Variants in SZT2 observed in about 807,000 individuals in gnomAD.
The protein encoded by SZT2 is KICSTOR complex protein SZT2.
Under a neutral mutation model 404.2 loss-of-function variants are expected in SZT2, and 216 were observed. That is an observed-to-expected ratio of 0.53 (90% confidence interval 0.48 to 0.60). SZT2 has a LOEUF of 0.60. Among genes scored for constraint, SZT2 ranks in the 20% least tolerant of loss-of-function variants. The probability of loss-of-function intolerance (pLI) is 0.00; values close to 1 mark genes in which losing one functional copy is unlikely to be tolerated. For missense variants in SZT2, 3,857 were observed against 4,459.2 expected (o/e 0.86, Z 3.85); for synonymous variants, 1,693 against 1,749.9 (o/e 0.97, Z 0.81).
Position 43,452,444 on chromosome 1 carries a change from G to A in SZT2, c.*1964G>A, listed in dbSNP as rs1466112280. On this transcript the variant is annotated 3_prime_UTR_variant, in exon 72 of 72. Coordinates refer to ENST00000634258, the MANE Select transcript of SZT2 (RefSeq NM_001365999.1). The stretch of plus-strand genomic sequence containing the variant: ...CTCCAGTCCATGGCACCTGGGTCAC[G>A]ATGCCCAGGTATCCCAGCACTTTCA... 7 of 764,510 alleles carry A rather than the reference G, an allele frequency of 9.2e-6. No individual in the cohort carries two copies. The highest frequency in any genetic ancestry group is 2.7e-5 in the East Asian group (1 of 37,340). The allele number at this position is 764,510 out of a possible 1,614,324, so 47.4% of individuals were successfully genotyped here.
intron 4 of SZT2, chr1:43,406,219 CTGGG>C (rs1433541150): frequency 7.0e-6 from 2 of 285,592 alleles, no homozygotes; most frequent in Non-Finnish European, 1.4e-5. Flanking sequence ...TTTCAAGTAG[CTGGG>C]ATTACAGGTG....
chr1:43,391,953 G>A (rs1448732799), intron 1 of SZT2, among the ~76,000 whole-genome samples: 1 of 68,862 alleles, frequency 1.5e-5, no homozygotes, highest in African/African-American at 6.0e-5. Flanking sequence ...GCGTGGTGGC[G>A]GGCGCCTGTA....
chr1:43,451,154 A>G lies in SZT2; in HGVS notation c.*674A>G. 7.9e-7 allele frequency: 1 copy of G among 1,260,400 alleles called. No individual in the cohort carries two copies. Among genetic ancestry groups the G allele is most frequent in the Non-Finnish European group, 1.2e-6 (1 of 858,544 alleles). 78.1% of individuals were successfully genotyped at this position (1,260,400 alleles called of 1,614,324 possible). On this transcript the variant is annotated 3_prime_UTR_variant, in exon 72 of 72. Transcript: ENST00000634258. The stretch of plus-strand genomic sequence containing the variant: ...CCACCCCATTACAGAGACATATGAC[A>G]ATGTTCAGCAGGTCATCTTTAATGC...
In SZT2 at chr1:43,440,659, C is replaced by T. The variant is rs1376587257; in HGVS notation, c.7344+73C>T. 7 of 1,466,958 alleles carry T rather than the reference C, an allele frequency of 4.8e-6. No individual in the cohort carries two copies. In the Admixed American group the frequency reaches 1.0e-4, roughly 21 times the overall value. The allele number at this position is 1,466,958 out of a possible 1,614,324, so 90.9% of individuals were successfully genotyped here. ...CTAGCTCCTCCCACACTCCCTCCTG[C>T]TTCCCAGTCCCCCATAGGCCTTGCC... On this transcript the variant is annotated intron_variant, in intron 52 of 71. Transcript: ENST00000634258.
Position 43,424,537 on chromosome 1 carries a change from C to A in SZT2, c.2471+105C>A. ...GCACACACTTCTCCTCTCTAATTCC[C>A]AGTCTGAAGTATAGAGCAGCATCTG... On this transcript the variant is annotated intron_variant, in intron 16 of 71. Transcript: ENST00000634258. This position sits in a 1 kb window ranked among gnomAD's most constrained non-coding sequence, Gnocchi z 4.1. 8.2e-7 allele frequency: 1 copy of A among 1,212,466 alleles called. No homozygotes were observed. Among genetic ancestry groups the A allele is most frequent in the Non-Finnish European group, 1.2e-6 (1 of 858,376 alleles). The allele number at this position is 1,212,466 out of a possible 1,614,324, so 75.1% of individuals were successfully genotyped here.
intron 4 of SZT2, chr1:43,406,612 A>G (rs1650346367): frequency 6.6e-6 from 1 of 152,440 alleles, no homozygotes; most frequent in Admixed American, 6.5e-5. Context: ...AGGAGACTGT[A>G]GACATAAGTG....
Position 43,415,108 on chromosome 1 carries a change from C to G in SZT2, c.525C>G (p.Asp175Glu). Residue 175 changes from aspartate to glutamate, a missense_variant, in exon 5 of 72, where the codon GAC becomes GAG. Around this residue, in one of 7 missense-constraint regions of SZT2, gnomAD observed 536 missense variants for 637.4 expected, o/e 0.84. Coordinates refer to ENST00000634258, the MANE Select transcript of SZT2 (RefSeq NM_001365999.1). ...HQVLVQGCLL[D>E]PSQREVFLQQ... ...TGCTGGTACAGGGCTGCCTCTTGGACCCTTCCCAGCGGGAGGTGTTCCTGC... is the reference window on the plus strand; with the variant it reads ...TGCTGGTACAGGGCTGCCTCTTGGAGCCTTCCCAGCGGGAGGTGTTCCTGC... 6.3e-7 allele frequency: 1 copy of G among 1,598,068 alleles called. No individual in the cohort carries two copies. Among genetic ancestry groups the G allele is most frequent in the Non-Finnish European group, 8.5e-7 (1 of 1,179,580 alleles).
At chr1:43,423,017 G>A (rs999936542) in intron 14 of SZT2, 82 bp from the exon 15 acceptor site, 8 of 1,506,254 alleles carry the variant, frequency 5.3e-6, no homozygotes, top group Admixed American at 3.9e-5. Flanking sequence ...GAAGAGGGCT[G>A]TGTCTCACTT....
In SZT2 at chr1:43,442,552, A is replaced by G. The variant is rs1211441734; in HGVS notation, c.8085A>G (p.Leu2695=). Residue 2695 remains leucine, a synonymous_variant, in exon 58 of 72, where the codon CTA becomes CTG. Transcript: ENST00000634258. This position sits in a 1 kb window ranked among gnomAD's most constrained non-coding sequence, Gnocchi z 4.5. ...CACGAGCCCATCTCATCTTCTGCCT[A>G]CTCAGCCAGAAGCTTGGCCTCTTCC... The part of the protein sequence containing the change: ...QNARAHLIFC[L]LSQKLGLFHH... 1.9e-6 allele frequency: 3 copies of G among 1,613,912 alleles called. No homozygotes were observed. The highest frequency in any genetic ancestry group is 2.5e-6 in the Non-Finnish European group (3 of 1,179,926).
At chr1:43,392,418 T>C (rs1339996229) in intron 1 of SZT2, among the ~76,000 whole-genome samples, 1 of 150,760 alleles carries the variant, frequency 6.6e-6, no homozygotes, top group Admixed American at 6.6e-5. Flanking sequence ...GTTAAGCTTT[T>C]TTTTTTTTTT....
At position 43,403,564 on chromosome 1, in the gene SZT2, G is replaced by C. The variant is rs710249; in HGVS notation, c.154-37G>C. 0.39 allele frequency: 626,843 copies of C among 1,598,914 alleles called. 128,749 individuals are homozygous for C. The highest frequency in any genetic ancestry group is 0.43 in the Non-Finnish European group (500,548 of 1,168,340). ...GGTCCTGGGAAGAAAGGGATACTTC[G>C]CTGATCCTTTCCTTTTCTTTCCATC... On this transcript the variant is annotated intron_variant, in intron 2 of 71. Coordinates refer to ENST00000634258, the MANE Select transcript of SZT2 (RefSeq NM_001365999.1).
At chr1:43,422,662 G>GCCCCCCCA in intron 13 of SZT2, 30 bp downstream of exon 13, 3 of 1,231,816 alleles carry the variant, frequency 2.4e-6, no homozygotes, top group Non-Finnish European at 2.0e-6. Flanking sequence ...TTCACCCCCC[G>GCCCCCCCA]CCCCCCCACC....
chr1:43,431,919 C>T lies in SZT2; in HGVS notation c.5274+18C>T. ...TCAAGGAGGTAAGTTGCCCTCCAAA[C>T]ACTGCAGGGTCACCTTGGGGCCCGT... On this transcript the variant is annotated intron_variant, in intron 36 of 71. Transcript: ENST00000634258. 10 of 1,613,612 alleles carry T rather than the reference C, an allele frequency of 6.2e-6. No individual in the cohort carries two copies. Among genetic ancestry groups the T allele is most frequent in the Non-Finnish European group, 8.5e-6 (10 of 1,179,806 alleles).
Position 43,427,586 on chromosome 1 carries a change from T to C in SZT2, c.3655T>C (p.Tyr1219His). Residue 1219 changes from tyrosine to histidine, a missense_variant, in exon 26 of 72, where the codon TAC becomes CAC. Tyr to His is a moderately conservative substitution (Grantham distance 83). Coordinates refer to ENST00000634258, the MANE Select transcript of SZT2 (RefSeq NM_001365999.1). ...ACCATTCCGTCGAGACTTACAGGCT[T>C]ACGCTGGGCGTCAGGCTTCCCAGAC... is the stretch of plus-strand genomic sequence containing the variant. ...SPPFRRDLQA[Y>H]AGRQASQTES... is the part of the protein sequence containing the mutation. 1 of 1,614,260 alleles carries C rather than the reference T, an allele frequency of 6.2e-7. No individual in the cohort carries two copies. The highest frequency in any genetic ancestry group is 8.5e-7 in the Non-Finnish European group (1 of 1,180,042).
Position 43,416,633 on chromosome 1 carries a change from T to A in SZT2, c.871T>A (p.Phe291Ile). The A allele has an allele frequency of 6.3e-7, 1 of 1,597,294 alleles. No individual in the cohort carries two copies. The highest frequency in any genetic ancestry group is 8.5e-7 in the Non-Finnish European group (1 of 1,179,364). ...TCGCAGTGGCACTGTGGCTTGTTCC[T>A]TTGTCCAGGTGAGGACTTTTTAGGA... ...QLRSGTVACS[F>I]VQVGGVYSYD... The change falls in exon 7 of 72, where the codon TTT becomes ATT. Residue 291 changes from phenylalanine to isoleucine, a missense_variant. Coordinates refer to ENST00000634258, the MANE Select transcript of SZT2 (RefSeq NM_001365999.1).
intron 1 of SZT2, among the ~76,000 whole-genome samples, chr1:43,397,648 C>CAGGG (rs1033407602): frequency 6.6e-6 from 1 of 151,702 alleles, no homozygotes; most frequent in African/African-American, 2.4e-5. Context: ...CTGCCTCGGT[C>CAGGG]CCCTAAGTAG....
intron 1 of SZT2, among the ~76,000 whole-genome samples, chr1:43,399,466 A>ATTTTTT (rs58653132): frequency 8.2e-6 from 1 of 121,996 alleles, no homozygotes; most frequent in Non-Finnish European, 1.7e-5. Context: ...GCCAGAGGGA[A>ATTTTTT]TTTTTTTTTT....
intron 1 of SZT2, among the ~76,000 whole-genome samples, chr1:43,394,698 G>A (rs555644077): frequency 6.6e-6 from 1 of 151,992 alleles, no homozygotes; most frequent in Non-Finnish European, 1.5e-5. Context: ...CACCAGCATG[G>A]AGAAACCTCG....
Position 43,425,266 on chromosome 1 carries a change from C to T in SZT2, c.2645+59C>T. On this transcript the variant is annotated intron_variant, in intron 18 of 71. Coordinates refer to ENST00000634258, the MANE Select transcript of SZT2 (RefSeq NM_001365999.1). This position sits in a 1 kb window ranked among gnomAD's most constrained non-coding sequence, Gnocchi z 4.3. The stretch of plus-strand genomic sequence containing the variant: ...AGAGTCAGCCTTCTCCCCACCATCC[C>T]CTAGAGGTCTGGCTCCCATATCCTG... 1.3e-6 allele frequency: 2 copies of T among 1,596,222 alleles called. No individual in the cohort carries two copies. Among genetic ancestry groups the T allele is most frequent in the Non-Finnish European group, 1.7e-6 (2 of 1,166,178 alleles).
Sources: allele counts gnomAD v4.1 joint callset (sites outside exome capture counted in the v4.1 genomes callset), GRCh38; gene constraint gnomAD v4.1.1; regional missense constraint gnomAD v4.1.1; non-coding constraint Gnocchi (gnomAD v3.1); transcripts MANE v1.5; gene names NCBI Gene and HGNC (gene_info 2026-07-23, HGNC 2026-07-21).